CFAP61: variants seen among roughly 807,000 people sequenced by gnomAD.
CFAP61 encodes the protein cilia- and flagella-associated protein 61.
Under a neutral mutation model 135.6 loss-of-function variants are expected in CFAP61, and 107 were observed. The ratio of observed to expected loss-of-function variants is 0.79; its 90% CI spans 0.67 to 0.93. CFAP61 has a LOEUF of 0.93. Ranked by LOEUF, CFAP61 falls within the 40% of genes least tolerant of loss-of-function variation. The pLI, the probability that CFAP61 is intolerant of heterozygous loss-of-function variation, is 0.00. For synonymous variants in CFAP61, 575 were observed against 578.5 expected, an observed-to-expected ratio of 0.99 and a Z score of 0.09; for missense variants, 1,507 against 1,556.2, an observed-to-expected ratio of 0.97 and a Z score of 0.53.
At chr20:20,332,458 A>G (rs1488278317) in intron 25 of CFAP61, among the ~76,000 whole-genome samples, 1 of 152,206 alleles carries the variant, frequency 6.6e-6, no homozygotes, top group Non-Finnish European at 1.5e-5. Context: ...CAACTGGTTT[A>G]ACTATTTTGA....
chr20:20,104,177 A>T (rs1423671923), intron 8 of CFAP61, among the ~76,000 whole-genome samples: 1 of 152,200 alleles, frequency 6.6e-6, no homozygotes, highest in Non-Finnish European at 1.5e-5. Context: ...GTTGCTCACT[A>T]TACATATAAA....
chr20:20,338,348 C>T (rs953408817), intron 25 of CFAP61, among the ~76,000 whole-genome samples: 1 of 152,252 alleles, frequency 6.6e-6, no homozygotes, highest in African/African-American at 2.4e-5. Flanking sequence ...TCCTGACTTT[C>T]CAGCAGCCCT....
intron 1 of CFAP61, chr20:20,055,831 G>A: frequency 1.3e-6 from 1 of 761,634 alleles, no homozygotes; most frequent in Non-Finnish European, 2.3e-6. Flanking sequence ...TGAGCTCACT[G>A]GCTAGTATAT....
intron 6 of CFAP61, among the ~76,000 whole-genome samples, chr20:20,078,470 G>A (rs941912398): frequency 2.0e-5 from 3 of 152,158 alleles, no homozygotes; most frequent in Non-Finnish European, 4.4e-5. Context: ...GGGAAATGGT[G>A]CTTTCATTAA....
chr20:20,193,950 A>G lies in CFAP61; in HGVS notation c.1590+2531A>G, dbSNP rs150290916. Among the ~76,000 whole-genome samples the G allele has an allele frequency of 1.9e-3, 282 of 152,298 alleles. 2 individuals carry two copies. Among genetic ancestry groups the G allele is most frequent in the African/African-American group, 6.6e-3 (273 of 41,570 alleles). ...ATTTCTCATCAGAATGTTGTCTTCCAGTATCCAATGTCATTGATAAAATAT... is the reference window on the plus strand; with the variant it reads ...ATTTCTCATCAGAATGTTGTCTTCCGGTATCCAATGTCATTGATAAAATAT... On this transcript the variant is annotated intron_variant, in intron 15 of 26. Transcript: ENST00000245957.
chr20:20,265,351 A>G, intron 21 of CFAP61: 1 of 778,418 alleles, frequency 1.3e-6, no homozygotes. Flanking sequence ...GAATTTAGAA[A>G]CCCCAAAGCA....
chr20:20,314,410 T>A lies in CFAP61; in HGVS notation c.3422+16024T>A, dbSNP rs4813384. Among the ~76,000 whole-genome samples, 71 of 104,918 alleles carry A rather than the reference T, an allele frequency of 6.8e-4. 2 individuals are homozygous for A. The highest frequency in any genetic ancestry group is 1.9e-3 in the Admixed American group (18 of 9,238). The allele number at this position is 104,918 out of a possible 152,430, so 68.8% of individuals were successfully genotyped here. A position where few individuals can be genotyped will look rare whatever the true frequency, so the allele number is the denominator to read the frequency against. ...CCATCTCAAAAAAAAAAAAAAAAAA[T>A]CAACATGAGTTTTGTTGGGGAAAAA... On this transcript the variant is annotated intron_variant, in intron 25 of 26. Coordinates refer to ENST00000245957, the MANE Select transcript of CFAP61 (RefSeq NM_015585.4).
chr20:20,340,701 A>AC (rs1189548280), intron 25 of CFAP61, among the ~76,000 whole-genome samples: 1 of 152,030 alleles, frequency 6.6e-6, no homozygotes, highest in Non-Finnish European at 1.5e-5. Context: ...GACCCCCAAA[A>AC]CCAAGGGGGT....
At chr20:20,265,656 T>C (rs1156619767) in intron 21 of CFAP61, 7 of 622,314 alleles carry the variant, frequency 1.1e-5, no homozygotes, top group African/African-American at 9.2e-5. Context: ...GCTTAATGAC[T>C]CCCCCAGGCA....
intron 13 of CFAP61, among the ~76,000 whole-genome samples, chr20:20,177,799 G>C (rs1040244580): frequency 1.8e-4 from 9 of 49,698 alleles, no homozygotes; most frequent in African/African-American, 7.4e-4. Flanking sequence ...GAACTGCTGA[G>C]TGGGAGAGGG....
chr20:20,232,096 G>A (rs2049182412), intron 18 of CFAP61, among the ~76,000 whole-genome samples: 1 of 152,188 alleles, frequency 6.6e-6, no homozygotes, highest in Non-Finnish European at 1.5e-5. Context: ...GCCCACCTCT[G>A]CTGCCAAGCA....
At chr20:20,111,994 T>C (rs74805394) in intron 8 of CFAP61, among the ~76,000 whole-genome samples, 264 of 152,320 alleles carry the variant, frequency 1.7e-3, no homozygotes, top group Middle Eastern at 6.8e-3. Context: ...CCTAGAGTAC[T>C]TGGCATATTC....
Position 20,166,441 on chromosome 20 carries a change from G to A in CFAP61, c.1245+5G>A, listed in dbSNP as rs759351603. On this transcript the variant is annotated splice_donor_5th_base_variant and intron_variant, in intron 12 of 26. Coordinates refer to ENST00000245957, the MANE Select transcript of CFAP61 (RefSeq NM_015585.4). The stretch of plus-strand genomic sequence containing the variant: ...TTTGTTTTCAGTCTTTTTTCTGTAA[G>A]TACATGCTGAATTTTGAGAACTGAT... The A allele has an allele frequency of 6.2e-7, 1 of 1,610,570 alleles. No homozygotes were observed. The highest frequency in any genetic ancestry group is 2.2e-5 in the East Asian group (1 of 44,852).
chr20:20,103,528 A>G (rs906309272), intron 8 of CFAP61, among the ~76,000 whole-genome samples: 1 of 152,208 alleles, frequency 6.6e-6, no homozygotes. Flanking sequence ...ATTCATAAAG[A>G]AACAGTCATA....
intron 22 of CFAP61, among the ~76,000 whole-genome samples, chr20:20,277,747 G>T (rs2053882465): frequency 6.6e-6 from 1 of 152,172 alleles, no homozygotes; most frequent in Non-Finnish European, 1.5e-5. Flanking sequence ...CTCACTTGAG[G>T]TCGCTCATGC....
chr20:20,294,605 A>G (rs925568421), intron 24 of CFAP61, among the ~76,000 whole-genome samples: 6 of 152,154 alleles, frequency 3.9e-5, no homozygotes, highest in Non-Finnish European at 7.3e-5. Context: ...AGGAGGCCAA[A>G]ATATGATAAT....
intron 8 of CFAP61, among the ~76,000 whole-genome samples, chr20:20,101,562 A>G (rs1423441028): frequency 2.0e-5 from 3 of 152,048 alleles, no homozygotes; most frequent in African/African-American, 4.8e-5. Flanking sequence ...GAAAACTCCA[A>G]TGACGGGTCT....
At chr20:20,127,896 C>A (rs750818486) in intron 8 of CFAP61, among the ~76,000 whole-genome samples, 1 of 151,470 alleles carries the variant, frequency 6.6e-6, no homozygotes, top group Admixed American at 6.6e-5. Context: ...GTGAGGTTCC[C>A]AGGTAAGTGG....
chr20:20,270,951 C>A (rs537504734), intron 21 of CFAP61, among the ~76,000 whole-genome samples: 3 of 152,180 alleles, frequency 2.0e-5, no homozygotes, highest in Admixed American at 6.5e-5. Context: ...GGATTAGAGG[C>A]GTGAGCCACC....
Sources: allele counts gnomAD v4.1 joint callset (sites outside exome capture counted in the v4.1 genomes callset), GRCh38; gene constraint gnomAD v4.1.1; transcripts MANE v1.5; gene names NCBI Gene and HGNC (gene_info 2026-07-23, HGNC 2026-07-21).